ATP8A2: variants seen among roughly 807,000 people sequenced by gnomAD.
ATP8A2 encodes phospholipid-transporting ATPase IB.
ATP8A2 carries 100 observed loss-of-function variants against 165.6 expected under a neutral mutation model. The ratio of observed to expected loss-of-function variants is 0.60; its 90% CI spans 0.51 to 0.71. The LOEUF (loss-of-function observed/expected upper bound fraction) is 0.71. Ranked by LOEUF, ATP8A2 falls within the 30% of genes least tolerant of loss-of-function variation. The probability of loss-of-function intolerance (pLI) is 0.00; values close to 1 mark genes in which losing one functional copy is unlikely to be tolerated. For synonymous variants in ATP8A2, 543 were observed against 548.8 expected, an observed-to-expected ratio of 0.99 and a Z score of 0.15; for missense variants, 1,227 against 1,479.5, an observed-to-expected ratio of 0.83 and a Z score of 2.80.
chr13:25,654,987 C>A (rs2041896291), intron 24 of ATP8A2, among the ~76,000 whole-genome samples: 1 of 152,074 alleles, frequency 6.6e-6, no homozygotes, highest in Non-Finnish European at 1.5e-5. Flanking sequence ...GTGATGTGGA[C>A]AGGTGGAAAA....
chr13:26,018,833 A>G (rs1957037614), intron 36 of ATP8A2, among the ~76,000 whole-genome samples: 1 of 152,160 alleles, frequency 6.6e-6, no homozygotes, highest in African/African-American at 2.4e-5. Context: ...GTGAAGTGGG[A>G]GGAGTATAAT....
chr13:25,918,467 A>C (rs1277927388), intron 33 of ATP8A2, among the ~76,000 whole-genome samples: 3 of 152,222 alleles, frequency 2.0e-5, no homozygotes, highest in African/African-American at 7.2e-5. Context: ...GAAAAAAGCC[A>C]ACGTGGTATA....
intron 23 of ATP8A2, among the ~76,000 whole-genome samples, chr13:25,586,610 C>T (rs2039928541): frequency 6.6e-6 from 1 of 152,222 alleles, no homozygotes; most frequent in African/African-American, 2.4e-5. Flanking sequence ...TACAGGCAAA[C>T]ACTGACTGAC....
At chr13:25,630,894 A>G (rs2041225394) in intron 24 of ATP8A2, among the ~76,000 whole-genome samples, 1 of 152,136 alleles carries the variant, frequency 6.6e-6, no homozygotes, top group Non-Finnish European at 1.5e-5. Context: ...CAAGAGCAGT[A>G]ACTACTTCTG....
At chr13:25,802,179 G>A (rs1197818739) in intron 27 of ATP8A2, among the ~76,000 whole-genome samples, 1 of 152,132 alleles carries the variant, frequency 6.6e-6, no homozygotes, top group African/African-American at 2.4e-5. Context: ...TCCTATTATT[G>A]TTACAAATAA....
chr13:25,860,239 G>A lies in ATP8A2; in HGVS notation c.3001G>A (p.Gly1001Arg). Reference protein sequence around the residue: ...SGHATDYLFVGNIVYTYVVVT... With the variant: ...SGHATDYLFVRNIVYTYVVVT... ...TCATGCTACCGACTATTTATTTGTT[G>A]GAAATATTGTTTACACAGTAAGTTT... Residue 1001 changes from glycine (G) to arginine (R), a missense_variant, in exon 31 of 37, where the codon GGA (glycine) becomes AGA (arginine). This residue lies in a region of ATP8A2 where 260 missense variants were observed against 245.1 expected (regional missense o/e 1.06). Coordinates refer to ENST00000381655, the MANE Select transcript of ATP8A2 (RefSeq NM_016529.6). 1 of 1,610,428 alleles carries A rather than the reference G, an allele frequency of 6.2e-7. No individual in the cohort carries two copies. The highest frequency in any genetic ancestry group is 8.5e-7 in the Non-Finnish European group (1 of 1,177,210).
intron 24 of ATP8A2, among the ~76,000 whole-genome samples, chr13:25,671,151 T>C (rs2042254561): frequency 6.6e-6 from 1 of 152,238 alleles, no homozygotes; most frequent in Non-Finnish European, 1.5e-5. Flanking sequence ...TTGCAATCTC[T>C]AAACATAAAT....
At chr13:25,512,295 C>G (rs1255329145) in intron 2 of ATP8A2, among the ~76,000 whole-genome samples, 1 of 152,168 alleles carries the variant, frequency 6.6e-6, no homozygotes, top group Non-Finnish European at 1.5e-5. Context: ...TACACAGACA[C>G]GGCAACCATC....
At chr13:25,884,085 C>T (rs1385077623) in intron 33 of ATP8A2, among the ~76,000 whole-genome samples, 1 of 152,060 alleles carries the variant, frequency 6.6e-6, no homozygotes, top group African/African-American at 2.4e-5. Flanking sequence ...TCTAGGCCAC[C>T]CTCAGTGTTA....
At chr13:25,576,644 T>TG in intron 19 of ATP8A2, among the ~76,000 whole-genome samples, 1 of 152,264 alleles carries the variant, frequency 6.6e-6, no homozygotes, top group Middle Eastern at 3.4e-3. Flanking sequence ...AATTAAAAGA[T>TG]GACACAGGGA....
Position 25,953,507 on chromosome 13 carries a change from T to C in ATP8A2, c.3184-8068T>C, listed in dbSNP as rs189933134. 1.2e-3 allele frequency among the ~76,000 whole-genome samples: 173 copies of C among 140,894 alleles called. No homozygotes were observed. The highest frequency in any genetic ancestry group is 1.5e-3 in the Non-Finnish European group (96 of 65,918). The allele number at this position is 140,894 out of a possible 152,430, so 92.4% of individuals were successfully genotyped here. On this transcript the variant is annotated intron_variant, in intron 33 of 36. Coordinates refer to ENST00000381655, the MANE Select transcript of ATP8A2 (RefSeq NM_016529.6). The surrounding 1 kb of genome is among the most constrained non-coding windows in gnomAD (Gnocchi z 6.7). ...ACAAACTGACCTTATGTAGCCCTGG[T>C]TACTCCAGCCTTTTTAAAAAAAAAA...
intron 1 of ATP8A2, among the ~76,000 whole-genome samples, chr13:25,458,194 C>G (rs1218675382): frequency 6.6e-6 from 1 of 152,136 alleles, no homozygotes; most frequent in African/African-American, 2.4e-5. Flanking sequence ...TCAAAAATAG[C>G]AGGATTAGGC....
chr13:25,441,677 C>T (rs1276058035), intron 1 of ATP8A2, among the ~76,000 whole-genome samples: 1 of 152,184 alleles, frequency 6.6e-6, no homozygotes, highest in Non-Finnish European at 1.5e-5. Flanking sequence ...CCCAACCCTA[C>T]AACATCCTGC....
Position 25,622,231 on chromosome 13 carries a change from T to C in ATP8A2, c.2211+32532T>C, listed in dbSNP as rs577206802. ...AAAAAAAAAAAAAAAAAATTAAGCC[T>C]TCAAGAAATGTATATGCCAAGTTGG... is the stretch of plus-strand genomic sequence containing the variant. On this transcript the variant is annotated intron_variant, in intron 24 of 36. Coordinates refer to ENST00000381655, the MANE Select transcript of ATP8A2 (RefSeq NM_016529.6). Among the ~76,000 whole-genome samples, 12 of 150,444 alleles carry C rather than the reference T, an allele frequency of 8.0e-5. No homozygotes were observed. In the South Asian group the frequency reaches 1.9e-3, roughly 24 times the overall value.
intron 1 of ATP8A2, among the ~76,000 whole-genome samples, chr13:25,398,487 A>G (rs991401554): frequency 2.0e-5 from 3 of 152,126 alleles, no homozygotes; most frequent in African/African-American, 7.2e-5. Context: ...GGAGCTTATA[A>G]TTTTATTTTG....
intron 2 of ATP8A2, among the ~76,000 whole-genome samples, chr13:25,487,965 G>C (rs1421383578): frequency 6.6e-6 from 1 of 152,052 alleles, no homozygotes; most frequent in Non-Finnish European, 1.5e-5. Flanking sequence ...CTTAGGTCAA[G>C]TCCATGATTT....
rs7326681 is a variant in ATP8A2 at position 25,400,840 on chromosome 13, G to A, written c.76+28552G>A. ...TTGTGGGAAAGGGTCTGAGAAGGCC[G>A]GCATTGTGGGACCACAGAAGGCCTT... On this transcript the variant is annotated intron_variant, in intron 1 of 36. Transcript: ENST00000381655. Among the ~76,000 whole-genome samples, 286 of 152,238 alleles carry A rather than the reference G, an allele frequency of 1.9e-3. 1 individual carries two copies. The highest frequency in any genetic ancestry group is 6.6e-3 in the African/African-American group (275 of 41,532).
intron 35 of ATP8A2, among the ~76,000 whole-genome samples, chr13:25,984,011 A>G (rs1956222700): frequency 1.3e-5 from 2 of 151,886 alleles, no homozygotes; most frequent in African/African-American, 2.4e-5. Flanking sequence ...GGCAGGAGAA[A>G]GACTTGAGGC....
chr13:26,000,234 A>G lies in ATP8A2; in HGVS notation c.3378-12297A>G, dbSNP rs75567445. ...GTGTTTTGCAGACTGCCCAGTAGCT[A>G]ATTTAAAAATAAGTTTCTAAAATTA... On this transcript the variant is annotated intron_variant, in intron 35 of 36. Coordinates refer to ENST00000381655, the MANE Select transcript of ATP8A2 (RefSeq NM_016529.6). Among the ~76,000 whole-genome samples, 15 of 152,268 alleles carry G rather than the reference A, an allele frequency of 9.9e-5. No individual in the cohort carries two copies. The East Asian group carries it at 2.7e-3, about 27-fold the overall frequency.
Sources: allele counts gnomAD v4.1 joint callset (sites outside exome capture counted in the v4.1 genomes callset), GRCh38; gene constraint gnomAD v4.1.1; regional missense constraint gnomAD v4.1.1; non-coding constraint Gnocchi (gnomAD v3.1); transcripts MANE v1.5; gene names NCBI Gene and HGNC (gene_info 2026-07-23, HGNC 2026-07-21).